FAM107B: variants seen among roughly 807,000 people sequenced by gnomAD.
FAM107B encodes family with sequence similarity 107 member B, also known as protein FAM107B.
FAM107B carries 21 observed loss-of-function variants against 31.5 expected under a neutral mutation model. The observed-to-expected ratio is 0.67, with a 90% confidence interval of 0.47 to 0.96. FAM107B has a LOEUF of 0.96. Among genes scored for constraint, FAM107B ranks in the 40% least tolerant of loss-of-function variants. The probability of loss-of-function intolerance (pLI) is 0.00; values close to 1 mark genes in which losing one functional copy is unlikely to be tolerated. For synonymous variants in FAM107B, 157 were observed against 141.5 expected (o/e 1.11, Z -0.78); for missense variants, 452 against 377.1 (o/e 1.20, Z -1.64).
intron 2 of FAM107B, among the ~76,000 whole-genome samples, chr10:14,538,327 G>A (rs1847849924): frequency 6.6e-6 from 1 of 152,212 alleles, no homozygotes; most frequent in Admixed American, 6.5e-5. Context: ...TCCACTAACA[G>A]TAGGATGGGT....
At chr10:14,727,865 A>G (rs1373591931) in intron 1 of FAM107B, among the ~76,000 whole-genome samples, 1 of 152,246 alleles carries the variant, frequency 6.6e-6, no homozygotes, top group Non-Finnish European at 1.5e-5. Context: ...AGGGAGTTTG[A>G]GGCAAATAGA....
chr10:14,680,044 C>G (rs530077940), intron 1 of FAM107B, among the ~76,000 whole-genome samples: 141 of 152,242 alleles, frequency 9.3e-4, no homozygotes, highest in Non-Finnish European at 1.6e-3. Flanking sequence ...AATAAACTCC[C>G]CTTTATATGT....
intron 1 of FAM107B, among the ~76,000 whole-genome samples, chr10:14,711,464 T>A (rs1367625769): frequency 6.6e-6 from 1 of 152,182 alleles, no homozygotes; most frequent in Non-Finnish European, 1.5e-5. Flanking sequence ...GTGTTACAAT[T>A]GCCTACAGTA....
At position 14,606,946 on chromosome 10, in the gene FAM107B, T is replaced by G. The variant is rs1852607488; in HGVS notation, c.469+60688A>C. ...TGTTACAGCAGCCCCATCAGATGAA[T>G]AGAAAAAGCATGCACTGGATTCGAG... On this transcript the variant is annotated intron_variant, in intron 2 of 4. Coordinates refer to ENST00000181796, the MANE Select transcript of FAM107B (RefSeq NM_031453.4). Among the ~76,000 whole-genome samples the G allele has an allele frequency of 3.3e-5, 5 of 152,180 alleles. No individual in the cohort carries two copies. The South Asian group carries it at 1.0e-3, about 31-fold the overall frequency.
intron 1 of FAM107B, among the ~76,000 whole-genome samples, chr10:14,668,405 T>C (rs1854462316): frequency 6.6e-6 from 1 of 152,156 alleles, no homozygotes; most frequent in Admixed American, 6.5e-5. Flanking sequence ...TGTTTTGTTT[T>C]TCATCACTCA....
At chr10:14,727,391 A>C (rs1383469786) in intron 1 of FAM107B, among the ~76,000 whole-genome samples, 2 of 152,232 alleles carry the variant, frequency 1.3e-5, no homozygotes, top group African/African-American at 4.8e-5. Flanking sequence ...CACGTCTCTT[A>C]GATCTTAACC....
intron 2 of FAM107B, among the ~76,000 whole-genome samples, chr10:14,575,230 G>A (rs760528700): frequency 3.3e-5 from 5 of 151,082 alleles, no homozygotes; most frequent in Admixed American, 6.6e-5. Context: ...TTGAGATGGC[G>A]TCTCGCTCTA....
At chr10:14,601,355 G>C (rs1852390746) in intron 2 of FAM107B, among the ~76,000 whole-genome samples, 2 of 152,184 alleles carry the variant, frequency 1.3e-5, no homozygotes, top group African/African-American at 4.8e-5. Context: ...TAAGTACTTA[G>C]GGTGAGGGAA....
At chr10:14,572,747 A>ATATACC (rs1447126559) in intron 2 of FAM107B, among the ~76,000 whole-genome samples, 1 of 98,742 alleles carries the variant, frequency 1.0e-5, no homozygotes, top group African/African-American at 3.0e-5. Context: ...ATTTATATAT[A>ATATACC]TATATATATA....
intron 2 of FAM107B, among the ~76,000 whole-genome samples, chr10:14,586,974 T>G (rs1253093753): frequency 6.6e-6 from 1 of 152,078 alleles, no homozygotes; most frequent in Non-Finnish European, 1.5e-5. Flanking sequence ...TCTCATTGAG[T>G]CCTATGAGAA....
Position 14,723,520 on chromosome 10 carries a change from G to A in FAM107B, c.411+50733C>T, listed in dbSNP as rs116990482. 1,917 of 618,520 alleles carry A rather than the reference G, an allele frequency of 3.1e-3. 11 individuals carry two copies. The highest frequency in any genetic ancestry group is 3.3e-3 in the Middle Eastern group (9 of 2,740). 38.3% of individuals were successfully genotyped at this position (618,520 alleles called of 1,614,324 possible). On this transcript the variant is annotated intron_variant, in intron 1 of 4. Transcript: ENST00000181796. The stretch of plus-strand genomic sequence containing the variant: ...ACCACACATGCACAAAACTTCCCAG[G>A]CCAGCATACACCACATCAAACCCAC...
chr10:14,530,625 T>A, intron 2 of FAM107B, 110 bp from the exon 3 acceptor site: 6 of 970,850 alleles, frequency 6.2e-6, no homozygotes, highest in Middle Eastern at 2.2e-4. Flanking sequence ...GCCATCCTCC[T>A]GAGTCCACTC....
At chr10:14,726,973 C>A (rs754040270) in intron 1 of FAM107B, among the ~76,000 whole-genome samples, 39 of 151,970 alleles carry the variant, frequency 2.6e-4, no homozygotes, top group Non-Finnish European at 4.3e-4. Context: ...TGTTTTCCTG[C>A]AACTAGATGG....
chr10:14,582,563 G>C (rs1851673679), intron 2 of FAM107B, among the ~76,000 whole-genome samples: 1 of 151,460 alleles, frequency 6.6e-6, no homozygotes, highest in African/African-American at 2.4e-5. Context: ...ATTTTTAGTA[G>C]AGACAGGGTT....
At chr10:14,749,239 C>T (rs74122984) in intron 1 of FAM107B, among the ~76,000 whole-genome samples, 345 of 152,190 alleles carry the variant, frequency 2.3e-3, no homozygotes, top group African/African-American at 8.0e-3. Context: ...AAACAAAAAC[C>T]CAGACTGTGT....
intron 2 of FAM107B, among the ~76,000 whole-genome samples, chr10:14,658,230 A>G (rs1854122383): frequency 1.3e-5 from 2 of 152,232 alleles, no homozygotes; most frequent in African/African-American, 4.8e-5. Context: ...TGAGTCCCAT[A>G]AAAGAGTTTA....
chr10:14,563,460 A>C (rs1243418623), intron 2 of FAM107B, among the ~76,000 whole-genome samples: 5 of 152,222 alleles, frequency 3.3e-5, no homozygotes, highest in Non-Finnish European at 7.3e-5. Flanking sequence ...TAAGCATTTT[A>C]CCTGTAATAA....
chr10:14,529,001 T>C (rs1440504513), intron 3 of FAM107B, among the ~76,000 whole-genome samples: 2 of 152,192 alleles, frequency 1.3e-5, no homozygotes, highest in Non-Finnish European at 2.9e-5. Context: ...TTACACTTTA[T>C]AGATAAGGGA....
At chr10:14,562,859 G>A (rs920297020) in intron 2 of FAM107B, among the ~76,000 whole-genome samples, 4 of 152,200 alleles carry the variant, frequency 2.6e-5, no homozygotes, top group South Asian at 2.1e-4. Context: ...TCAACCATGA[G>A]AGTAGCTCTG....
Sources: allele counts gnomAD v4.1 joint callset (sites outside exome capture counted in the v4.1 genomes callset), GRCh38; gene constraint gnomAD v4.1.1; transcripts MANE v1.5; gene names NCBI Gene and HGNC (gene_info 2026-07-23, HGNC 2026-07-21).